Variants in UBR4 observed in about 807,000 individuals in gnomAD.
The protein encoded by UBR4 is ubiquitin protein ligase E3 component n-recognin 4.
UBR4 carries 124 observed loss-of-function variants against 575.6 expected under a neutral mutation model. The observed-to-expected ratio is 0.22, with a 90% CI of 0.19 to 0.25. The LOEUF is 0.25. Ranked by LOEUF, UBR4 falls within the 10% of genes least tolerant of loss-of-function variation. UBR4 has a pLI of 1.00. For synonymous variants in UBR4, 2,455 were observed against 2,473.7 expected (o/e 0.99, Z 0.22); for missense variants, 4,818 against 6,478.8 (o/e 0.74, Z 8.80).
At chr1:19,138,271 G>T in intron 59 of UBR4, 90 bp from the exon 60 acceptor site, 1 of 1,325,558 alleles carries the variant, frequency 7.5e-7, no homozygotes. Flanking sequence ...AGTTAAGACA[G>T]TAACTGACAG....
rs949667278 is a variant in UBR4, at chr1:19,089,942, G to C, written c.14212-965C>G. Among the ~76,000 whole-genome samples, 1 of 152,220 alleles carries C rather than the reference G, an allele frequency of 6.6e-6. No homozygotes were observed. Among genetic ancestry groups the C allele is most frequent in the Non-Finnish European group, 1.5e-5 (1 of 68,042 alleles). ...ACTCAACATTCTGGCTGTTTACTGTGTGTGCATGCTTGCACATGTGTGTTT... is the reference window on the plus strand; with the variant it reads ...ACTCAACATTCTGGCTGTTTACTGTCTGTGCATGCTTGCACATGTGTGTTT... On this transcript the variant is annotated intron_variant, in intron 97 of 105. Transcript: ENST00000375254. This position sits in a 1 kb window ranked among gnomAD's most constrained non-coding sequence, Gnocchi z 4.3.
chr1:19,126,794 G>C, intron 63 of UBR4, 139 bp from the exon 64 acceptor site: 2 of 886,034 alleles, frequency 2.3e-6, no homozygotes, highest in Non-Finnish European at 3.4e-6. Context: ...CTCTTGCACT[G>C]AAACTTCCCC....
At chr1:19,076,964 C>G (rs2076005083) in intron 104 of UBR4, 62 bp from the exon 105 acceptor site, 2 of 1,506,494 alleles carry the variant, frequency 1.3e-6, no homozygotes, top group African/African-American at 2.8e-5. Context: ...TCTTCCGCCT[C>G]AAGTCAGTCA....
chr1:19,164,121 C>A, intron 33 of UBR4, 132 bp downstream of exon 33: 1 of 1,052,638 alleles, frequency 9.5e-7, no homozygotes, highest in Admixed American at 2.9e-5. Flanking sequence ...TATTTGCTAC[C>A]CACCCAACTC....
chr1:19,189,356 T>A (rs1398746158), intron 11 of UBR4, among the ~76,000 whole-genome samples: 1 of 152,202 alleles, frequency 6.6e-6, no homozygotes, highest in Non-Finnish European at 1.5e-5. Flanking sequence ...GACAATTAAG[T>A]TCCCAAAAGT....
At chr1:19,081,757 C>A (rs1422468447) in intron 102 of UBR4, 184 bp from the exon 103 acceptor site, 1 of 748,134 alleles carries the variant, frequency 1.3e-6, no homozygotes, top group South Asian at 1.5e-5. Flanking sequence ...CGCCCTTCGT[C>A]CCCTTCCAGG....
At chr1:19,102,750 G>C (rs1369753804) in intron 87 of UBR4, among the ~76,000 whole-genome samples, 2 of 152,146 alleles carry the variant, frequency 1.3e-5, no homozygotes, top group Non-Finnish European at 2.9e-5. Context: ...CTGAGGCAAA[G>C]AGTCTAGCAG....
chr1:19,179,287 T>C, intron 17 of UBR4, 67 bp from the exon 18 acceptor site: 2 of 1,436,680 alleles, frequency 1.4e-6, no homozygotes, highest in South Asian at 1.6e-5. Flanking sequence ...AGGTTACTCA[T>C]GTTCTCAAAC....
In UBR4 at chr1:19,157,864, G is replaced by A; in HGVS notation, c.5711C>T (p.Ser1904Phe). 6.2e-7 allele frequency: 1 copy of A among 1,614,222 alleles called. No individual in the cohort carries two copies. Among genetic ancestry groups the A allele is most frequent in the Non-Finnish European group, 8.5e-7 (1 of 1,180,028 alleles). Reference sequence around the variant, plus strand: ...CAAATGTTGGCGGCGCCCATGGGGAGAGGAGAGCACACACATAGCCACCCG... The same window carrying A: ...CAAATGTTGGCGGCGCCCATGGGGAAAGGAGAGCACACACATAGCCACCCG... ...LRRVAMCVLS[S>F]PHGRRQHLAV... Residue 1904 changes from serine (S) to phenylalanine (F), a missense_variant, in exon 40 of 106, where the codon TCT (serine) becomes TTT (phenylalanine). Ser to Phe is a radical substitution (Grantham distance 155). Around this residue, in one of 29 missense-constraint regions of UBR4, gnomAD observed 461 missense variants for 606.9 expected, o/e 0.76. Transcript: ENST00000375254. This position sits in a 1 kb window ranked among gnomAD's most constrained non-coding sequence, Gnocchi z 4.4.
chr1:19,091,031 G>T (rs2077459042), intron 97 of UBR4, among the ~76,000 whole-genome samples: 1 of 151,766 alleles, frequency 6.6e-6, no homozygotes, highest in Non-Finnish European at 1.5e-5. Flanking sequence ...GGGAGGCAGA[G>T]GTTGCAGTGA....
chr1:19,162,726 G>A, intron 34 of UBR4, 115 bp from the exon 35 acceptor site: 3 of 1,261,696 alleles, frequency 2.4e-6, no homozygotes, highest in Non-Finnish European at 3.2e-6. Context: ...TGAGAGCAGA[G>A]AAGAAAAACA....
intron 1 of UBR4, among the ~76,000 whole-genome samples, chr1:19,209,306 G>C (rs1426964806): frequency 6.6e-6 from 1 of 152,200 alleles, no homozygotes; most frequent in East Asian, 1.9e-4. Flanking sequence ...TCTGAGCACA[G>C]TATGTCAGGA....
At position 19,100,116 on chromosome 1, in the gene UBR4, C is replaced by T; in HGVS notation, c.13221+260G>A. 1.9e-6 allele frequency: 1 copy of T among 513,462 alleles called. No individual in the cohort carries two copies. Among genetic ancestry groups the T allele is most frequent in the South Asian group, 3.0e-5 (1 of 33,876 alleles). 31.8% of individuals were successfully genotyped at this position (513,462 alleles called of 1,614,324 possible). The stretch of plus-strand genomic sequence containing the variant: ...CCAGAGGCAATAACGATAATAAATA[C>T]CCACCACCACTACAACCAACAGCCA... On this transcript the variant is annotated intron_variant, in intron 89 of 105. Transcript: ENST00000375254. The surrounding 1 kb of genome is among the most constrained non-coding windows in gnomAD (Gnocchi z 4.2).
chr1:19,119,570 T>C lies in UBR4; in HGVS notation c.10442A>G (p.Gln3481Arg), dbSNP rs1244366746. Residue 3481 changes from glutamine to arginine, a missense_variant, in exon 70 of 106, where the codon CAA becomes CGA. Gln to Arg is a conservative substitution (Grantham distance 43). Around this residue, in one of 29 missense-constraint regions of UBR4, gnomAD observed 550 missense variants for 791.5 expected, o/e 0.69. Transcript: ENST00000375254. ...LLGYFSLKTP[Q>R]TEKKLKEYSQ... ...AGCAACTGTTACCTTCTTCTCTGTT[T>C]GTGGAGTTTTCAGGGAGAAATATCC... The C allele has an allele frequency of 1.2e-6, 2 of 1,613,432 alleles. No homozygotes were observed. The highest frequency in any genetic ancestry group is 1.7e-4 in the Middle Eastern group (1 of 6,060).
chr1:19,082,816 T>C lies in UBR4; in HGVS notation c.15009-1243A>G, dbSNP rs527245152. ...TAGGGAATCTGAGGCTGTTGGCTGC[T>C]GCAGGATCTGCTCAGGCTCTGGTCT... is the stretch of plus-strand genomic sequence containing the variant. On this transcript the variant is annotated intron_variant, in intron 102 of 105. Transcript: ENST00000375254. Among the ~76,000 whole-genome samples, 603 of 152,320 alleles carry C rather than the reference T, an allele frequency of 4.0e-3. 4 individuals carry two copies. The highest frequency in any genetic ancestry group is 0.013 in the African/African-American group (536 of 41,562).
intron 105 of UBR4, among the ~76,000 whole-genome samples, chr1:19,076,014 C>T (rs759742684): frequency 6.6e-6 from 1 of 152,206 alleles, no homozygotes; most frequent in East Asian, 1.9e-4. Flanking sequence ...TGTAATGCCG[C>T]GGCGCCCACA....
At chr1:19,090,266 A>G (rs1242568104) in intron 97 of UBR4, among the ~76,000 whole-genome samples, 1 of 152,086 alleles carries the variant, frequency 6.6e-6, no homozygotes, top group African/African-American at 2.4e-5. Flanking sequence ...TTAAGCTGCC[A>G]TTTCTCTCAC....
intron 17 of UBR4, among the ~76,000 whole-genome samples, chr1:19,182,593 CAT>C (rs2091098170): frequency 6.6e-6 from 1 of 152,152 alleles, no homozygotes; most frequent in Non-Finnish European, 1.5e-5. Flanking sequence ...ACCAGCAATG[CAT>C]CAAGAATTCC....
At chr1:19,179,286 A>C in intron 17 of UBR4, 66 bp from the exon 18 acceptor site, 40 of 1,434,188 alleles carry the variant, frequency 2.8e-5, no homozygotes, top group Non-Finnish European at 3.4e-5. Context: ...AAGGTTACTC[A>C]TGTTCTCAAA....
Sources: gnomAD v4.1 joint callset for allele counts (sites outside exome capture counted in the v4.1 genomes callset) on GRCh38, gnomAD v4.1.1 for gene constraint, gnomAD v4.1.1 regional missense constraint, Gnocchi (gnomAD v3.1) non-coding constraint, MANE v1.5 for transcripts, NCBI Gene and HGNC (gene_info 2026-07-23, HGNC 2026-07-21) for gene names.